The following MPDZ variants were observed in gnomAD, a reference collection of about 807,000 sequenced individuals.
The protein encoded by MPDZ is multiple PDZ domain protein.
Under a neutral mutation model 239.1 loss-of-function variants are expected in MPDZ, and 234 were observed. The observed-to-expected ratio is 0.98, with a 90% CI of 0.88 to 1.09. The LOEUF is 1.09. MPDZ is among the 50% of genes least tolerant of loss of function. The pLI is 0.00. For missense variants in MPDZ, 3,175 were observed against 2,510.0 expected (o/e 1.26, Z -5.66); for synonymous variants, 1,048 against 881.3 (o/e 1.19, Z -3.35).
intron 23 of MPDZ, among the ~76,000 whole-genome samples, chr9:13,159,389 A>G (rs1950200922): frequency 6.6e-6 from 1 of 152,146 alleles, no homozygotes; most frequent in African/African-American, 2.4e-5. Context: ...TCTAAGTCTG[A>G]CACTAGGGTA....
At position 13,210,376 on chromosome 9, in the gene MPDZ, TAAA is replaced by T. The variant is rs556730757; in HGVS notation, c.1291-4280_1291-4278del. ...CTACAATTCACACACATTCAGGGCATAAAAGAACTAAGTGTTGTTAAATGTTAA... is the reference window on the plus strand; with the variant it reads ...CTACAATTCACACACATTCAGGGCATAGAACTAAGTGTTGTTAAATGTTAA... On this transcript the variant is annotated intron_variant, in intron 10 of 46. Coordinates refer to ENST00000319217, the MANE Select transcript of MPDZ (RefSeq NM_001378778.1). Among the ~76,000 whole-genome samples, 15 of 151,212 alleles carry T rather than the reference TAAA, an allele frequency of 9.9e-5. No individual in the cohort carries two copies. In the South Asian group the frequency reaches 1.9e-3, roughly 19 times the overall value.
rs148306765 is a variant in MPDZ, at chr9:13,235,358, T to C, written c.184-10775A>G. 4.5e-3 allele frequency among the ~76,000 whole-genome samples: 682 copies of C among 152,310 alleles called. 3 individuals carry two copies. The highest frequency in any genetic ancestry group is 7.9e-3 in the Non-Finnish European group (536 of 68,014). On this transcript the variant is annotated intron_variant, in intron 3 of 46. Coordinates refer to ENST00000319217, the MANE Select transcript of MPDZ (RefSeq NM_001378778.1). ...AGAACAAGCACAATTTTACATTTTC[T>C]ATGAGACCTTCCTTTCATTCATTCA...
chr9:13,238,682 A>G (rs1964672425), intron 3 of MPDZ, among the ~76,000 whole-genome samples: 1 of 152,148 alleles, frequency 6.6e-6, no homozygotes, highest in South Asian at 2.1e-4. Flanking sequence ...ATTTTGATGC[A>G]CTATCAAAGA....
intron 3 of MPDZ, among the ~76,000 whole-genome samples, chr9:13,226,668 T>C (rs1402234551): frequency 6.6e-6 from 1 of 152,134 alleles, no homozygotes; most frequent in Non-Finnish European, 1.5e-5. Context: ...CCTGTTTTAA[T>C]TCATGGCACT....
At chr9:13,243,942 T>C (rs1966003881) in intron 3 of MPDZ, among the ~76,000 whole-genome samples, 1 of 152,216 alleles carries the variant, frequency 6.6e-6, no homozygotes. Context: ...GTGCTGAGGT[T>C]TATTTGCCAT....
chr9:13,236,301 G>C (rs1193942981), intron 3 of MPDZ, among the ~76,000 whole-genome samples: 1 of 73,700 alleles, frequency 1.4e-5, no homozygotes. Flanking sequence ...TTTTGAGACA[G>C]AGTTTCACTC....
At chr9:13,223,290 A>C (rs374846055) in intron 5 of MPDZ, among the ~76,000 whole-genome samples, 17 of 151,518 alleles carry the variant, frequency 1.1e-4, no homozygotes, top group African/African-American at 4.1e-4. Flanking sequence ...TTAAAAATCT[A>C]ATCAAAAAGA....
rs186476015 is a variant in MPDZ, at chr9:13,133,448, A to G, written c.4464+376T>C. Among the ~76,000 whole-genome samples, 522 of 152,326 alleles carry G rather than the reference A, an allele frequency of 3.4e-3. 3 individuals carry two copies. The highest frequency in any genetic ancestry group is 0.012 in the African/African-American group (485 of 41,586). ...TTTCTTATTTTTAAAGGACAAGACT[A>G]TAACTTCTGTTTCTTTATTTTTATT... On this transcript the variant is annotated intron_variant, in intron 32 of 46. Transcript: ENST00000319217.
chr9:13,175,950 G>C (rs1438480318), intron 20 of MPDZ, 75 bp from the exon 21 acceptor site: 2 of 1,496,144 alleles, frequency 1.3e-6, no homozygotes, highest in African/African-American at 2.8e-5. Flanking sequence ...TCAACATCAC[G>C]CATGTTCTCT....
At chr9:13,144,057 G>A (rs1948113600) in intron 26 of MPDZ, among the ~76,000 whole-genome samples, 1 of 151,816 alleles carries the variant, frequency 6.6e-6, no homozygotes. Context: ...ATCCTAGTAA[G>A]GAAACTTTCC....
chr9:13,259,545 G>C (rs1200015529), intron 1 of MPDZ, among the ~76,000 whole-genome samples: 1 of 152,058 alleles, frequency 6.6e-6, no homozygotes, highest in Non-Finnish European at 1.5e-5. Context: ...TAAAATACAA[G>C]AACACAAAGG....
At chr9:13,217,981 C>T (rs1328360295) in intron 8 of MPDZ, among the ~76,000 whole-genome samples, 2 of 151,718 alleles carry the variant, frequency 1.3e-5, no homozygotes, top group East Asian at 3.9e-4. Flanking sequence ...TTGATTGGTA[C>T]AATATATCAT....
chr9:13,190,080 C>A (rs765727276), intron 16 of MPDZ, 34 bp downstream of exon 16: 2 of 1,560,568 alleles, frequency 1.3e-6, no homozygotes, highest in East Asian at 2.3e-5. Flanking sequence ...CAACAATAGG[C>A]CTTTAAAAAT....
chr9:13,219,880 G>A (rs943682380), intron 7 of MPDZ, 112 bp from the exon 8 acceptor site: 7 of 1,014,578 alleles, frequency 6.9e-6, no homozygotes, highest in East Asian at 2.6e-5. Flanking sequence ...TTACCAATCA[G>A]GACATAAAAT....
rs753311487 is a variant in MPDZ at position 13,122,091 on chromosome 9, A to G, written c.5033T>C (p.Leu1678Ser). Residue 1678 changes from leucine (L) to serine (S), a missense_variant, in exon 37 of 47, where the codon TTA becomes TCA. Leu to Ser is a moderately radical substitution (Grantham distance 145). Coordinates refer to ENST00000319217, the MANE Select transcript of MPDZ (RefSeq NM_001378778.1). ...TCAAAAACAGGCATTCTATACCTCT[A>G]AGATCTGATCTCCAGCCCAGAGTCT... ...DGRLWAGDQI[L>S]EVNGIDLRKA... 6.2e-7 allele frequency: 1 copy of G among 1,613,934 alleles called. No individual in the cohort carries two copies. Among genetic ancestry groups the G allele is most frequent in the Admixed American group, 1.7e-5 (1 of 60,012 alleles).
intron 31 of MPDZ, chr9:13,134,538 G>A (rs1946464321): frequency 6.6e-6 from 1 of 152,084 alleles, no homozygotes; most frequent in Non-Finnish European, 1.5e-5. Context: ...AGGAAAGAAT[G>A]TTTCTCTTCC....
At chr9:13,116,649 C>A (rs1943501581) in intron 39 of MPDZ, among the ~76,000 whole-genome samples, 1 of 152,132 alleles carries the variant, frequency 6.6e-6, no homozygotes, top group African/African-American at 2.4e-5. Flanking sequence ...ATACGTTATT[C>A]ACTGTGTAAT....
chr9:13,232,618 G>C (rs113952249), intron 3 of MPDZ, among the ~76,000 whole-genome samples: 78 of 150,722 alleles, frequency 5.2e-4, no homozygotes, highest in African/African-American at 1.8e-3. Flanking sequence ...TTCTTATATA[G>C]GGCAAAAAAG....
chr9:13,238,306 G>C (rs1391578484), intron 3 of MPDZ, among the ~76,000 whole-genome samples: 1 of 152,180 alleles, frequency 6.6e-6, no homozygotes, highest in African/African-American at 2.4e-5. Context: ...CAAGAGCCAA[G>C]TGGAAAGTCC....
Sources: allele counts gnomAD v4.1 joint callset (sites outside exome capture counted in the v4.1 genomes callset), GRCh38; gene constraint gnomAD v4.1.1; transcripts MANE v1.5; gene names NCBI Gene and HGNC (gene_info 2026-07-23, HGNC 2026-07-21).